The following TEKT5 variants were observed in gnomAD, a reference collection of about 807,000 sequenced individuals.
The protein encoded by TEKT5 is tektin-5.
TEKT5 carries 52 observed loss-of-function variants against 48.7 expected under a neutral mutation model. The ratio of observed to expected loss-of-function variants is 1.07; its 90% CI spans 0.86 to 1.35. The LOEUF (loss-of-function observed/expected upper bound fraction) is 1.35. Ranked by LOEUF, TEKT5 falls within the 40% of genes most tolerant of loss-of-function variation. The probability of loss-of-function intolerance (pLI) is 0.00; values close to 1 mark genes in which losing one functional copy is unlikely to be tolerated. For missense variants in TEKT5, 831 were observed against 641.6 expected (o/e 1.30, Z -3.19); for synonymous variants, 318 against 267.6 (o/e 1.19, Z -1.84).
Position 10,694,742 on chromosome 16 carries a change from G to A in TEKT5, c.132C>T (p.Tyr44=), listed in dbSNP as rs759363344. 4.3e-6 allele frequency: 7 copies of A among 1,614,126 alleles called. No individual in the cohort carries two copies. Among genetic ancestry groups the A allele is most frequent in the South Asian group, 2.2e-5 (2 of 91,086 alleles). Residue 44 remains tyrosine (Y), a synonymous_variant, in exon 1 of 7, where the codon TAC becomes TAT. Coordinates refer to ENST00000283025, the MANE Select transcript of TEKT5 (RefSeq NM_144674.2). The part of the protein sequence containing the change: ...ECYQPYYLPG[Y]RYLNSWRPSL... ...TAGGCCTCCATGAATTGAGGTAGCG[G>A]TACCCGGGCAGGTAGTAGGGCTGAT...
intron 3 of TEKT5, among the ~76,000 whole-genome samples, chr16:10,688,703 T>C (rs543066876): frequency 2.0e-5 from 3 of 152,338 alleles, no homozygotes; most frequent in East Asian, 3.9e-4. Flanking sequence ...CCTTTAATTA[T>C]GTGAGGGGCC....
chr16:10,673,389 G>A (rs1898583657), intron 5 of TEKT5, among the ~76,000 whole-genome samples: 2 of 152,262 alleles, frequency 1.3e-5, no homozygotes, highest in Admixed American at 6.5e-5. Context: ...AAACCGTATT[G>A]CCTGCAAAGC....
intron 6 of TEKT5, 104 bp downstream of exon 6, chr16:10,635,660 G>A: frequency 6.7e-7 from 1 of 1,495,474 alleles, no homozygotes; most frequent in Non-Finnish European, 9.0e-7. Context: ...TTGAAGGAGG[G>A]TCCATTTTTC....
At chr16:10,674,480 A>C (rs1421528070) in intron 5 of TEKT5, among the ~76,000 whole-genome samples, 2 of 151,876 alleles carry the variant, frequency 1.3e-5, no homozygotes, top group Admixed American at 1.3e-4. Context: ...CAAAAAACTA[A>C]AAAACCTAGC....
At chr16:10,691,588 C>A (rs892346052) in intron 1 of TEKT5, among the ~76,000 whole-genome samples, 1 of 151,986 alleles carries the variant, frequency 6.6e-6, no homozygotes, top group African/African-American at 2.4e-5. Context: ...ATAGAGGAAG[C>A]GAGTCTAGAG....
chr16:10,646,034 G>A (rs1337002055), intron 5 of TEKT5, among the ~76,000 whole-genome samples: 1 of 151,928 alleles, frequency 6.6e-6, no homozygotes, highest in Non-Finnish European at 1.5e-5. Context: ...TTGGGAGGCT[G>A]AGGAAGGATT....
At chr16:10,649,940 C>T (rs1449494109) in intron 5 of TEKT5, among the ~76,000 whole-genome samples, 2 of 152,138 alleles carry the variant, frequency 1.3e-5, no homozygotes, top group African/African-American at 4.8e-5. Context: ...CTGTTCCTAC[C>T]CCATATCCTT....
At chr16:10,630,858 C>T (rs184516063) in intron 6 of TEKT5, among the ~76,000 whole-genome samples, 2 of 151,206 alleles carry the variant, frequency 1.3e-5, no homozygotes, top group Admixed American at 1.3e-4. Context: ...GCCGTCTCCA[C>T]TAAAAATAGA....
At chr16:10,636,041 C>G in intron 5 of TEKT5, 123 bp from the exon 6 acceptor site, 1 of 1,423,706 alleles carries the variant, frequency 7.0e-7, no homozygotes, top group African/African-American at 1.4e-5. Flanking sequence ...ACTCCTTCCC[C>G]GGCCTTGAGC....
intron 5 of TEKT5, among the ~76,000 whole-genome samples, chr16:10,660,902 T>G (rs1234092357): frequency 1.3e-5 from 2 of 152,158 alleles, no homozygotes; most frequent in Admixed American, 1.3e-4. Flanking sequence ...GGTTTCGCCA[T>G]GTTGGCCAGG....
In TEKT5 at chr16:10,676,651, A is replaced by T. The variant is rs117160556; in HGVS notation, c.864-470T>A. On this transcript the variant is annotated intron_variant, in intron 4 of 6. Coordinates refer to ENST00000283025, the MANE Select transcript of TEKT5 (RefSeq NM_144674.2). ...AAGCAGGCTTTGGGCCTGCTTCTTC[A>T]TTGGGGTCCCTGAACCCCCTAACTC... 7.1e-3 allele frequency among the ~76,000 whole-genome samples: 1,081 copies of T among 152,266 alleles called. 15 individuals carry two copies. The highest frequency in any genetic ancestry group is 0.034 in the South Asian group (162 of 4,820).
intron 5 of TEKT5, among the ~76,000 whole-genome samples, chr16:10,643,201 T>C (rs981703947): frequency 6.6e-6 from 1 of 151,528 alleles, no homozygotes; most frequent in African/African-American, 2.4e-5. Flanking sequence ...GGCAACACAG[T>C]GAGACCCCAT....
rs146415867 is a variant in TEKT5, at chr16:10,687,626, GCCTGTAATC to G, written c.719+1618_719+1626del. On this transcript the variant is annotated intron_variant, in intron 3 of 6. Transcript: ENST00000283025. ...AAAATAGCTGAGTGTGGTGGCATGG[GCCTGTAATC>G]CCAGCTACTCGGGAGGCTGAGGCAG... 0.017 allele frequency among the ~76,000 whole-genome samples: 2,526 copies of G among 152,338 alleles called. 132 individuals carry two copies. In the East Asian group the frequency reaches 0.17, roughly 10 times the overall value.
intron 5 of TEKT5, among the ~76,000 whole-genome samples, chr16:10,653,562 T>C (rs1898206129): frequency 1.3e-5 from 2 of 152,220 alleles, no homozygotes; most frequent in East Asian, 1.9e-4. Flanking sequence ...GAGCCCTTTC[T>C]AGCTGCCAGA....
At chr16:10,688,637 G>A (rs955573657) in intron 3 of TEKT5, among the ~76,000 whole-genome samples, 4 of 152,212 alleles carry the variant, frequency 2.6e-5, no homozygotes, top group Admixed American at 1.3e-4. Flanking sequence ...TGCTTTCGGG[G>A]GAGCTGGTGC....
intron 5 of TEKT5, among the ~76,000 whole-genome samples, chr16:10,647,796 T>C (rs534858225): frequency 6.6e-6 from 1 of 152,354 alleles, no homozygotes; most frequent in South Asian, 2.1e-4. Flanking sequence ...CATTCATTCA[T>C]CCACAGAGTC....
At chr16:10,664,028 G>C (rs1053346563) in intron 5 of TEKT5, among the ~76,000 whole-genome samples, 1 of 152,196 alleles carries the variant, frequency 6.6e-6, no homozygotes. Context: ...TCTTGCCTGA[G>C]AGACCAATAT....
chr16:10,689,127 C>G, intron 3 of TEKT5, 126 bp downstream of exon 3: 1 of 636,888 alleles, frequency 1.6e-6, no homozygotes, highest in Non-Finnish European at 2.6e-6. Context: ...TGAACATTTA[C>G]CAGCATACCA....
intron 5 of TEKT5, among the ~76,000 whole-genome samples, chr16:10,674,300 G>A (rs185237149): frequency 1.5e-3 from 224 of 152,026 alleles, no homozygotes; most frequent in African/African-American, 5.0e-3. Flanking sequence ...ACCCACCCTT[G>A]CTCCCTCCCT....
Sources: gnomAD v4.1 joint callset for allele counts (sites outside exome capture counted in the v4.1 genomes callset) on GRCh38, gnomAD v4.1.1 for gene constraint, MANE v1.5 for transcripts, NCBI Gene and HGNC (gene_info 2026-07-23, HGNC 2026-07-21) for gene names.